Variants in DGKH observed in about 807,000 individuals in gnomAD.
DGKH encodes the protein DAG kinase eta.
Under a neutral mutation model 159.3 loss-of-function variants are expected in DGKH, and 90 were observed. The observed-to-expected ratio is 0.57, with a 90% CI of 0.48 to 0.67. DGKH has a LOEUF of 0.67. DGKH is among the 30% of genes least tolerant of loss of function. The pLI is 0.00. For synonymous variants in DGKH, 536 were observed against 553.8 expected (o/e 0.97, Z 0.45); for missense variants, 1,181 against 1,506.1 (o/e 0.78, Z 3.57).
chr13:42,165,478 C>A, intron 8 of DGKH, 45 bp downstream of exon 8: 1 of 1,067,916 alleles, frequency 9.4e-7, no homozygotes, highest in Non-Finnish European at 1.3e-6. Flanking sequence ...GTATATTTAA[C>A]ATTGATATGT....
chr13:42,119,431 C>T (rs964286748), intron 1 of DGKH, among the ~76,000 whole-genome samples: 1 of 152,222 alleles, frequency 6.6e-6, no homozygotes, highest in South Asian at 2.1e-4. Context: ...TACTGGTCAT[C>T]TGCACTCTGG....
chr13:42,213,877 A>G (rs1318284052), intron 24 of DGKH, among the ~76,000 whole-genome samples: 1 of 152,130 alleles, frequency 6.6e-6, no homozygotes, highest in Non-Finnish European at 1.5e-5. Context: ...TTTCAGGACT[A>G]TTCTTAGAGG....
Position 42,206,082 on chromosome 13 carries a change from C to A in DGKH, c.2537C>A (p.Ala846Asp). The A allele has an allele frequency of 6.9e-7, 1 of 1,457,122 alleles. No individual in the cohort carries two copies. Among genetic ancestry groups the A allele is most frequent in the Non-Finnish European group, 9.1e-7 (1 of 1,097,208 alleles). The allele number at this position is 1,457,122 out of a possible 1,614,324, so 90.3% of individuals were successfully genotyped here. A position where few individuals can be genotyped will look rare whatever the true frequency, so the allele number is the denominator to read the frequency against. Reference protein sequence around the residue: ...YIPLPSLQGIAVLNIPSYAGG... With the variant: ...YIPLPSLQGIDVLNIPSYAGG... The stretch of plus-strand genomic sequence containing the variant: ...CCTCTTCCCAGCTTGCAAGGCATAG[C>A]CGTGTTGAACATTCCCAGCTATGCT... Residue 846 changes from alanine (A) to aspartate (D), a missense_variant, in exon 21 of 30, where the codon GCC becomes GAC. Physicochemically the swap from Ala to Asp is moderately radical, Grantham distance 126 (BLOSUM62 -2). Around this residue, in one of 5 missense-constraint regions of DGKH, gnomAD observed 335 missense variants for 495.2 expected, o/e 0.68. Transcript: ENST00000337343.
In DGKH at chr13:42,227,790, A is replaced by G. The variant is rs113442017; in HGVS notation, c.3574-1309A>G. ...GATTCATTACTGCTAAAGAACTCCAAGAGCTCTTAAAGGGTAAACGAGAGA... is the reference window on the plus strand; with the variant it reads ...GATTCATTACTGCTAAAGAACTCCAGGAGCTCTTAAAGGGTAAACGAGAGA... On this transcript the variant is annotated intron_variant, in intron 29 of 29. Coordinates refer to ENST00000337343, the MANE Select transcript of DGKH (RefSeq NM_178009.5). 1.4e-3 allele frequency among the ~76,000 whole-genome samples: 211 copies of G among 152,328 alleles called. 1 individual carries two copies. The highest frequency in any genetic ancestry group is 4.8e-3 in the African/African-American group (200 of 41,582).
intron 1 of DGKH, among the ~76,000 whole-genome samples, chr13:42,092,379 A>G (rs1362394722): frequency 6.6e-6 from 1 of 150,768 alleles, no homozygotes; most frequent in East Asian, 1.9e-4. Context: ...AATGTGGTAT[A>G]TATACAAAAT....
intron 3 of DGKH, 85 bp from the exon 4 acceptor site, chr13:42,155,206 T>G: frequency 1.0e-6 from 1 of 987,088 alleles, no homozygotes; most frequent in Non-Finnish European, 1.5e-6. Flanking sequence ...AAGTTAGAAA[T>G]GGAATTACCT....
chr13:42,100,969 T>A (rs1954641186), intron 1 of DGKH, among the ~76,000 whole-genome samples: 1 of 152,220 alleles, frequency 6.6e-6, no homozygotes, highest in African/African-American at 2.4e-5. Context: ...TGTTTTCTCA[T>A]CTGTAAGAAT....
chr13:42,118,739 C>T (rs1302911799), intron 1 of DGKH, among the ~76,000 whole-genome samples: 2 of 152,128 alleles, frequency 1.3e-5, no homozygotes, highest in African/African-American at 4.8e-5. Context: ...GGGTAGGCCA[C>T]GCATTTGGAG....
intron 1 of DGKH, among the ~76,000 whole-genome samples, chr13:42,107,092 A>AT (rs1234638513): frequency 6.6e-6 from 1 of 152,266 alleles, no homozygotes; most frequent in Admixed American, 6.5e-5. Context: ...TCCTGTGTGA[A>AT]TCTATTGCAA....
intron 3 of DGKH, among the ~76,000 whole-genome samples, chr13:42,134,321 T>A: frequency 6.6e-6 from 1 of 152,190 alleles, no homozygotes; most frequent in East Asian, 1.9e-4. Flanking sequence ...GTCAAAGGAT[T>A]TGGGACATGA....
intron 1 of DGKH, among the ~76,000 whole-genome samples, chr13:42,064,344 G>A (rs1247829096): frequency 2.6e-5 from 4 of 152,298 alleles, no homozygotes; most frequent in Middle Eastern, 6.8e-3. Context: ...TGAATATCAA[G>A]TTGCATTTAG....
At chr13:42,153,391 A>C (rs1249775483) in intron 3 of DGKH, among the ~76,000 whole-genome samples, 1 of 152,258 alleles carries the variant, frequency 6.6e-6, no homozygotes, top group African/African-American at 2.4e-5. Flanking sequence ...GCAAAGAACA[A>C]AGTTAAAGAA....
intron 13 of DGKH, chr13:42,181,467 G>C (rs1232519768): frequency 6.2e-6 from 1 of 161,444 alleles, no homozygotes; most frequent in Non-Finnish European, 1.4e-5. Flanking sequence ...AACTTGATTA[G>C]GCCAGTCCAT....
chr13:42,103,665 A>G (rs554870555), intron 1 of DGKH, among the ~76,000 whole-genome samples: 2 of 152,210 alleles, frequency 1.3e-5, no homozygotes, highest in Non-Finnish European at 2.9e-5. Context: ...GAACTGGGTC[A>G]CATCTCACCT....
Position 42,166,515 on chromosome 13 carries a change from G to T in DGKH, c.959G>T (p.Gly320Val). The T allele has an allele frequency of 1.3e-6, 2 of 1,519,908 alleles. No individual in the cohort carries two copies. The highest frequency in any genetic ancestry group is 1.3e-5 in the South Asian group (1 of 74,118). 94.2% of individuals were successfully genotyped at this position (1,519,908 alleles called of 1,614,324 possible). The stretch of plus-strand genomic sequence containing the variant: ...ATCTTGTGTTGTGTTTTTTTCACAG[G>T]TTTCTGTAGAGCAACATTTTCGTTC... The part of the protein sequence containing the change: ...PIALNSTDSD[G>V]FCRATFSFCV... Residue 320 changes from glycine to valine, a missense_variant and splice_region_variant, in exon 9 of 30, where the codon GGT becomes GTT. Coordinates refer to ENST00000337343, the MANE Select transcript of DGKH (RefSeq NM_178009.5).
chr13:42,242,967 A>G (rs1488850940), downstream of DGKH: 2 of 152,212 alleles, frequency 1.3e-5, no homozygotes, highest in East Asian at 3.8e-4. Context: ...AGACAATTGT[A>G]GATTCACATG....
At chr13:42,045,326 A>C (rs1489717021), upstream of DGKH, among the ~76,000 whole-genome samples, 1 of 152,186 alleles carries the variant, frequency 6.6e-6, no homozygotes, top group Non-Finnish European at 1.5e-5. Context: ...AAAAAGAAAA[A>C]AAATTTGCTT....
chr13:42,072,340 A>T (rs1883028522), intron 1 of DGKH, among the ~76,000 whole-genome samples: 1 of 152,202 alleles, frequency 6.6e-6, no homozygotes, highest in Non-Finnish European at 1.5e-5. Context: ...CTTATCTCTG[A>T]AATCTGGACA....
At chr13:42,053,688 G>C (rs867101812) in intron 1 of DGKH, among the ~76,000 whole-genome samples, 1 of 150,884 alleles carries the variant, frequency 6.6e-6, no homozygotes, top group Non-Finnish European at 1.5e-5. Context: ...GCATGATCTC[G>C]GCTCACTGCA....
Sources: gnomAD v4.1 joint callset for allele counts (sites outside exome capture counted in the v4.1 genomes callset) on GRCh38, gnomAD v4.1.1 for gene constraint, gnomAD v4.1.1 regional missense constraint, MANE v1.5 for transcripts, NCBI Gene and HGNC (gene_info 2026-07-23, HGNC 2026-07-21) for gene names.